ROBO2: variants seen among roughly 807,000 people sequenced by gnomAD.
The protein encoded by ROBO2 is roundabout homolog 2.
Under a neutral mutation model 160.8 loss-of-function variants are expected in ROBO2, and 53 were observed. The ratio of observed to expected loss-of-function variants is 0.33; its 90% CI spans 0.26 to 0.41. The LOEUF is 0.41. ROBO2 is among the 10% of genes least tolerant of loss of function. ROBO2 has a pLI of 1.00. For missense variants in ROBO2, 1,577 were observed against 1,722.4 expected (o/e 0.92, Z 1.49); for synonymous variants, 664 against 611.7 (o/e 1.09, Z -1.26).
At chr3:77,205,055 G>A (rs1332476672) in intron 2 of ROBO2, among the ~76,000 whole-genome samples, 1 of 152,180 alleles carries the variant, frequency 6.6e-6, no homozygotes, top group African/African-American at 2.4e-5. Flanking sequence ...GTATCTAGGA[G>A]TGGATGCCTG....
At chr3:76,401,016 T>C (rs563188449) in intron 2 of ROBO2, among the ~76,000 whole-genome samples, 1 of 151,696 alleles carries the variant, frequency 6.6e-6, no homozygotes, top group South Asian at 2.1e-4. Flanking sequence ...TAAGAAATTA[T>C]GCTTCACATT....
intron 2 of ROBO2, among the ~76,000 whole-genome samples, chr3:77,020,063 A>G (rs1174142926): frequency 1.3e-5 from 2 of 152,222 alleles, no homozygotes; most frequent in African/African-American, 4.8e-5. Context: ...TATTCTAGTC[A>G]TTGTAATTTC....
In ROBO2 at chr3:76,107,744, A is replaced by G. The variant is rs144574427; in HGVS notation, c.109+170142A>G. ...TGCATAAATCACATCTGAAATCCCTATTTTATGATACCTGGTCACTAACGG... is the reference window on the plus strand; with the variant it reads ...TGCATAAATCACATCTGAAATCCCTGTTTTATGATACCTGGTCACTAACGG... On this transcript the variant is annotated intron_variant, in intron 2 of 26. Coordinates refer to the ROBO2 transcript ENST00000487694. Among the ~76,000 whole-genome samples the G allele has an allele frequency of 3.9e-5, 6 of 152,138 alleles. No individual in the cohort carries two copies. In the South Asian group the frequency reaches 8.3e-4, roughly 21 times the overall value.
chr3:76,629,058 A>G (rs1411328592), intron 2 of ROBO2, among the ~76,000 whole-genome samples: 1 of 152,132 alleles, frequency 6.6e-6, no homozygotes, highest in Non-Finnish European at 1.5e-5. Flanking sequence ...GCCATCTCTC[A>G]TCCAGGTTCC....
At chr3:76,567,646 TATATATACACATAC>T (rs1560162828) in intron 2 of ROBO2, among the ~76,000 whole-genome samples, 30 of 94,804 alleles carry the variant, frequency 3.2e-4, no homozygotes, top group South Asian at 7.4e-4. Flanking sequence ...TATATATATA[TATATATACACATAC>T]ACATATATAT....
chr3:76,838,940 G>A (rs2067970588), intron 2 of ROBO2, among the ~76,000 whole-genome samples: 2 of 152,066 alleles, frequency 1.3e-5, no homozygotes, highest in African/African-American at 2.4e-5. Context: ...CTAGCATTTT[G>A]TATTAGCTAT....
intron 2 of ROBO2, among the ~76,000 whole-genome samples, chr3:77,425,478 G>A (rs1454319713): frequency 2.0e-5 from 3 of 152,102 alleles, no homozygotes; most frequent in African/African-American, 7.2e-5. Flanking sequence ...GAAAGATGAA[G>A]TCACCCATAC....
At chr3:77,285,836 T>A (rs1388799518) in intron 2 of ROBO2, among the ~76,000 whole-genome samples, 5 of 152,058 alleles carry the variant, frequency 3.3e-5, no homozygotes, top group Non-Finnish European at 2.9e-5. Context: ...GAGAGATAGG[T>A]TTGAGTAGCA....
chr3:77,323,111 A>T (rs764020162), intron 2 of ROBO2, among the ~76,000 whole-genome samples: 14 of 137,152 alleles, frequency 1.0e-4, no homozygotes, highest in Admixed American at 3.2e-4. Flanking sequence ...ACTATGTAAC[A>T]TATATATTAC....
chr3:76,206,266 T>A (rs1244740399), intron 2 of ROBO2, among the ~76,000 whole-genome samples: 3 of 152,106 alleles, frequency 2.0e-5, no homozygotes, highest in Non-Finnish European at 2.9e-5. Flanking sequence ...GCTGTCCTCA[T>A]TTACTATTTT....
At chr3:76,932,789 G>T (rs1271696724) in intron 2 of ROBO2, among the ~76,000 whole-genome samples, 1 of 152,040 alleles carries the variant, frequency 6.6e-6, no homozygotes, top group Non-Finnish European at 1.5e-5. Context: ...ATAAAACTGA[G>T]ACGCAAGCAC....
chr3:77,083,394 G>A (rs546571790), intron 1 of ROBO2, among the ~76,000 whole-genome samples: 1 of 152,244 alleles, frequency 6.6e-6, no homozygotes, highest in East Asian at 1.9e-4. Flanking sequence ...CTGGCCAAGG[G>A]AGTATAAAAA....
At chr3:76,546,107 T>C (rs1309480362) in intron 2 of ROBO2, among the ~76,000 whole-genome samples, 6 of 151,846 alleles carry the variant, frequency 4.0e-5, no homozygotes, top group African/African-American at 1.4e-4. Flanking sequence ...CTTGGTAAAA[T>C]CATTCCAAAT....
chr3:77,223,327 G>A (rs1169574688), intron 2 of ROBO2, among the ~76,000 whole-genome samples: 8 of 152,074 alleles, frequency 5.3e-5, no homozygotes, highest in Admixed American at 5.2e-4. Context: ...AAAATTCTGT[G>A]TGCAAAATAG....
At chr3:76,965,684 AC>A (rs2080014408) in intron 2 of ROBO2, among the ~76,000 whole-genome samples, 2 of 149,460 alleles carry the variant, frequency 1.3e-5, no homozygotes, top group African/African-American at 2.5e-5. Flanking sequence ...AAAAAAAAAA[AC>A]TTCAGTAAAT....
At chr3:76,393,803 T>A (rs1230500319) in intron 2 of ROBO2, among the ~76,000 whole-genome samples, 1 of 152,162 alleles carries the variant, frequency 6.6e-6, no homozygotes, top group East Asian at 1.9e-4. Context: ...TCAGCATGAA[T>A]CATACAGCAT....
At chr3:77,281,328 A>G (rs1380169527) in intron 2 of ROBO2, among the ~76,000 whole-genome samples, 1 of 152,160 alleles carries the variant, frequency 6.6e-6, no homozygotes, top group Non-Finnish European at 1.5e-5. Context: ...TACCTCCCAG[A>G]CACTTGCTTT....
chr3:76,078,516 C>T (rs1396650113), intron 2 of ROBO2, among the ~76,000 whole-genome samples: 4 of 152,052 alleles, frequency 2.6e-5, no homozygotes, highest in African/African-American at 4.8e-5. Context: ...CAGACACACA[C>T]CACCTTGCTC....
At chr3:77,558,291 A>G (rs1470915155) in intron 9 of ROBO2, 142 bp downstream of exon 10, 1 of 716,944 alleles carries the variant, frequency 1.4e-6, no homozygotes, top group African/African-American at 1.8e-5. Flanking sequence ...TACTTATTTT[A>G]AAAATGATGA....
Sources: allele counts gnomAD v4.1 joint callset (sites outside exome capture counted in the v4.1 genomes callset), GRCh38; gene constraint gnomAD v4.1.1; transcripts MANE v1.5; gene names NCBI Gene and HGNC (gene_info 2026-07-23, HGNC 2026-07-21).